The following CPNE8 variants were observed in gnomAD, a reference collection of about 807,000 sequenced individuals.
CPNE8 encodes the protein copine-8.
In CPNE8, 45 loss-of-function variants were observed where a neutral mutation model predicts 81.5. The observed-to-expected ratio is 0.55, with a 90% CI of 0.44 to 0.71. CPNE8 has a LOEUF of 0.71. Among genes scored for constraint, CPNE8 ranks in the 30% least tolerant of loss-of-function variants. The probability of loss-of-function intolerance (pLI) is 0.00; values close to 1 mark genes in which losing one functional copy is unlikely to be tolerated. For synonymous variants in CPNE8, 252 were observed against 226.3 expected (o/e 1.11, Z -1.02); for missense variants, 594 against 672.1 (o/e 0.88, Z 1.28).
At chr12:38,699,433 A>G (rs979658755) in intron 14 of CPNE8, among the ~76,000 whole-genome samples, 23 of 152,340 alleles carry the variant, frequency 1.5e-4, no homozygotes, top group African/African-American at 5.5e-4. Flanking sequence ...TATGTCAAGG[A>G]CAGCACACTG....
intron 1 of CPNE8, among the ~76,000 whole-genome samples, chr12:38,898,944 A>C (rs142695496): frequency 5.9e-5 from 9 of 152,332 alleles, no homozygotes; most frequent in African/African-American, 1.9e-4. Flanking sequence ...ATACAACTTC[A>C]AAGTAAGAGA....
rs531891226 is a variant in CPNE8, at chr12:38,806,717, A to G, written c.407+22662T>C. On this transcript the variant is annotated intron_variant, in intron 6 of 19. Coordinates refer to ENST00000331366, the MANE Select transcript of CPNE8 (RefSeq NM_153634.3). The stretch of plus-strand genomic sequence containing the variant: ...CAAGACAGGGATGCCCTCTCTCACC[A>G]CTCCTATTCAACATAGTGTTGGAAG... 6.9e-4 allele frequency among the ~76,000 whole-genome samples: 96 copies of G among 139,718 alleles called. 4 individuals are homozygous for G. The highest frequency in any genetic ancestry group is 1.4e-3 in the East Asian group (5 of 3,500). 91.7% of individuals were successfully genotyped at this position (139,718 alleles called of 152,430 possible). A position where few individuals can be genotyped will look rare whatever the true frequency, so the allele number is the denominator to read the frequency against.
intron 1 of CPNE8, among the ~76,000 whole-genome samples, chr12:38,879,769 G>A (rs1234295031): frequency 6.6e-6 from 1 of 151,872 alleles, no homozygotes; most frequent in South Asian, 2.1e-4. Flanking sequence ...CAGAGTAAAG[G>A]CAATTTTGCT....
chr12:38,785,728 A>G (rs924560219), intron 6 of CPNE8, among the ~76,000 whole-genome samples: 3 of 152,216 alleles, frequency 2.0e-5, no homozygotes, highest in African/African-American at 4.8e-5. Context: ...AAGAAGACAT[A>G]TATAGACACA....
intron 10 of CPNE8, among the ~76,000 whole-genome samples, chr12:38,759,851 A>C (rs894103312): frequency 6.6e-6 from 1 of 152,220 alleles, no homozygotes; most frequent in Non-Finnish European, 1.5e-5. Context: ...CAACTGAGCA[A>C]CTTTCTGCCA....
At chr12:38,764,054 C>G (rs537445603) in intron 8 of CPNE8, among the ~76,000 whole-genome samples, 9 of 152,238 alleles carry the variant, frequency 5.9e-5, no homozygotes, top group Admixed American at 5.2e-4. Flanking sequence ...CCTCACTCAT[C>G]TAAGGAAACT....
intron 3 of CPNE8, among the ~76,000 whole-genome samples, chr12:38,851,186 C>G (rs1215186933): frequency 2.0e-5 from 3 of 152,174 alleles, no homozygotes; most frequent in African/African-American, 4.8e-5. Context: ...CAACACAAAA[C>G]AGACCAGGAT....
At chr12:38,739,170 CTT>C in intron 10 of CPNE8, among the ~76,000 whole-genome samples, 1 of 152,030 alleles carries the variant, frequency 6.6e-6, no homozygotes, top group South Asian at 2.1e-4. Context: ...TTGTGATAGG[CTT>C]CAATAATGTC....
At chr12:38,819,533 C>T (rs939976116) in intron 6 of CPNE8, among the ~76,000 whole-genome samples, 1 of 151,584 alleles carries the variant, frequency 6.6e-6, no homozygotes, top group African/African-American at 2.4e-5. Flanking sequence ...TTTGGGAGGC[C>T]GAGGCAGGCG....
At chr12:38,861,554 A>T (rs1479877708) in intron 3 of CPNE8, among the ~76,000 whole-genome samples, 2 of 152,122 alleles carry the variant, frequency 1.3e-5, no homozygotes, top group East Asian at 3.9e-4. Context: ...AATATTATTT[A>T]AAAAAGAAAA....
intron 3 of CPNE8, among the ~76,000 whole-genome samples, chr12:38,851,411 T>G (rs1297880319): frequency 6.6e-6 from 1 of 152,216 alleles, no homozygotes; most frequent in Non-Finnish European, 1.5e-5. Context: ...GTTTACTTCT[T>G]GTCAATAAAT....
chr12:38,849,388 T>C (rs1391273757), intron 3 of CPNE8, among the ~76,000 whole-genome samples: 1 of 151,654 alleles, frequency 6.6e-6, no homozygotes, highest in East Asian at 2.0e-4. Flanking sequence ...TTACATCTCT[T>C]TTCTATCCTT....
At chr12:38,685,384 A>G in intron 16 of CPNE8, 106 bp downstream of exon 16, 1 of 1,235,916 alleles carries the variant, frequency 8.1e-7, no homozygotes, top group East Asian at 2.5e-5. Context: ...TTGGAGGTAA[A>G]CTAGAAGAAA....
chr12:38,837,370 A>G (rs1943400110), intron 5 of CPNE8, among the ~76,000 whole-genome samples: 1 of 152,126 alleles, frequency 6.6e-6, no homozygotes, highest in African/African-American at 2.4e-5. Flanking sequence ...TTTTAGATCT[A>G]CTTGAGTTTT....
At chr12:38,704,826 G>GTATATATATGTGTGTATATGTATA (rs58878926) in intron 13 of CPNE8, among the ~76,000 whole-genome samples, 2 of 50,200 alleles carry the variant, frequency 4.0e-5, no homozygotes, top group Non-Finnish European at 1.1e-4. Flanking sequence ...GTATGTATGT[G>GTATATATATGTGTGTATATGTATA]TATATATATA....
intron 6 of CPNE8, among the ~76,000 whole-genome samples, chr12:38,786,257 G>C (rs565415271): frequency 6.6e-6 from 1 of 152,158 alleles, no homozygotes; most frequent in Admixed American, 6.6e-5. Flanking sequence ...AACTTGATTG[G>C]ATTGAAGGAT....
At chr12:38,857,136 A>G (rs1943754050) in intron 3 of CPNE8, among the ~76,000 whole-genome samples, 1 of 152,180 alleles carries the variant, frequency 6.6e-6, no homozygotes. Flanking sequence ...TTCAAATGTT[A>G]CTGATTCATA....
intron 19 of CPNE8, among the ~76,000 whole-genome samples, chr12:38,660,846 CAT>C (rs1186635527): frequency 6.6e-6 from 1 of 152,150 alleles, no homozygotes; most frequent in Non-Finnish European, 1.5e-5. Flanking sequence ...AGCCAACAGA[CAT>C]ATGAAAAAAT....
At chr12:38,884,986 C>G (rs1226512210) in intron 1 of CPNE8, among the ~76,000 whole-genome samples, 2 of 152,006 alleles carry the variant, frequency 1.3e-5, no homozygotes, top group Non-Finnish European at 2.9e-5. Flanking sequence ...CTATATGACA[C>G]TCTCTGCTGA....
Sources: allele counts gnomAD v4.1 joint callset (sites outside exome capture counted in the v4.1 genomes callset), GRCh38; gene constraint gnomAD v4.1.1; transcripts MANE v1.5; gene names NCBI Gene and HGNC (gene_info 2026-07-23, HGNC 2026-07-21).